The following ZNF420 variants were observed in gnomAD, a reference collection of about 807,000 sequenced individuals.
ZNF420 encodes zinc finger protein 420, also known as ATM and p53-associated KZNF protein.
A neutral mutation model predicts 44.7 loss-of-function variants in ZNF420; 31 were observed. The observed-to-expected ratio is 0.69, with a 90% CI of 0.52 to 0.94. The LOEUF (loss-of-function observed/expected upper bound fraction) is 0.94, where lower values mean the gene tolerates loss of function less well. ZNF420 is among the 40% of genes least tolerant of loss of function. The pLI is 0.00. For missense variants in ZNF420, 681 were observed against 827.9 expected (o/e 0.82, Z 2.18); for synonymous variants, 245 against 267.4 (o/e 0.92, Z 0.82).
intron 4 of ZNF420, among the ~76,000 whole-genome samples, chr19:37,112,798 A>G (rs1970450349): frequency 6.6e-6 from 1 of 152,176 alleles, no homozygotes; most frequent in African/African-American, 2.4e-5. Flanking sequence ...GTCTGAATCA[A>G]CCACACCAGT....
intron 2 of ZNF420, among the ~76,000 whole-genome samples, chr19:37,084,382 A>G (rs1465694636): frequency 6.6e-6 from 1 of 152,106 alleles, no homozygotes; most frequent in African/African-American, 2.4e-5. Flanking sequence ...TTTTGTGATT[A>G]TAGTTATAGA....
At chr19:37,012,163 C>T (rs2074574301) in intron 1 of ZNF420, among the ~76,000 whole-genome samples, 1 of 152,176 alleles carries the variant, frequency 6.6e-6, no homozygotes, top group Non-Finnish European at 1.5e-5. Flanking sequence ...GTCTTGAGGA[C>T]AGGACTCCTG....
At chr19:37,021,936 C>CAAAAAAAAAAAAAAAAAAAAAAAAAAA (rs60559933) in intron 1 of ZNF420, among the ~76,000 whole-genome samples, 1 of 84,588 alleles carries the variant, frequency 1.2e-5, no homozygotes, top group Non-Finnish European at 2.3e-5. Context: ...CAGTCTGTCT[C>CAAAAAAAAAAAAAAAAAAAAAAAAAAA]AAAAAAAAAA....
At chr19:37,036,810 C>T (rs1274672728) in intron 1 of ZNF420, among the ~76,000 whole-genome samples, 1 of 152,186 alleles carries the variant, frequency 6.6e-6, no homozygotes, top group Non-Finnish European at 1.5e-5. Flanking sequence ...CCCACATTTG[C>T]ATTATGTCGA....
intron 1 of ZNF420, among the ~76,000 whole-genome samples, chr19:37,040,174 C>A (rs1399567095): frequency 6.6e-6 from 1 of 152,204 alleles, no homozygotes; most frequent in Admixed American, 6.5e-5. Flanking sequence ...TTAGCCAGAT[C>A]TTCTGGATAA....
In ZNF420 at chr19:37,099,881, C is replaced by T. The variant is rs1969672121; in HGVS notation, c.136+8760C>T. ...CTTGTGATCTGCCCGCCTGGGCCCC[C>T]CAAAGAGCTGGGATTATAGATGTGA... On this transcript the variant is annotated intron_variant, in intron 4 of 4. Transcript: ENST00000337995. Among the ~76,000 whole-genome samples the T allele has an allele frequency of 2.6e-5, 4 of 152,212 alleles. No individual in the cohort carries two copies. The Middle Eastern group carries it at 0.014, about 521-fold the overall frequency.
At chr19:37,054,531 C>G (rs1055458268) in intron 1 of ZNF420, among the ~76,000 whole-genome samples, 15 of 152,210 alleles carry the variant, frequency 9.9e-5, no homozygotes, top group Admixed American at 9.8e-4. Context: ...ATCTTTTAGT[C>G]TATGAAGACA....
At chr19:37,020,533 A>G (rs148245876) in intron 1 of ZNF420, among the ~76,000 whole-genome samples, 1 of 152,306 alleles carries the variant, frequency 6.6e-6, no homozygotes, top group East Asian at 1.9e-4. Flanking sequence ...ATTTTCCCAA[A>G]TAAACCTGTC....
At chr19:37,121,078 C>T (rs1450417018) in intron 4 of ZNF420, among the ~76,000 whole-genome samples, 1 of 149,160 alleles carries the variant, frequency 6.7e-6, no homozygotes, top group African/African-American at 2.5e-5. Flanking sequence ...CAATGCCATC[C>T]CCATCAAGCT....
At chr19:37,048,758 G>A (rs1297111562) in intron 1 of ZNF420, among the ~76,000 whole-genome samples, 1 of 151,756 alleles carries the variant, frequency 6.6e-6, no homozygotes. Context: ...GGATACATGT[G>A]CACAACGTGC....
intron 4 of ZNF420, chr19:37,096,059 C>T (rs1191898091): frequency 6.6e-6 from 1 of 152,222 alleles, no homozygotes; most frequent in Non-Finnish European, 1.5e-5. Flanking sequence ...CCACTGTCCT[C>T]TGGCTTCTAT....
At chr19:37,069,228 A>G (rs1730322763) in intron 1 of ZNF420, among the ~76,000 whole-genome samples, 1 of 152,202 alleles carries the variant, frequency 6.6e-6, no homozygotes, top group Non-Finnish European at 1.5e-5. Context: ...AAACTTTCAA[A>G]GGACTAGTTT....
chr19:37,062,610 C>G (rs1260323221), intron 1 of ZNF420, among the ~76,000 whole-genome samples: 2 of 152,176 alleles, frequency 1.3e-5, no homozygotes, highest in Non-Finnish European at 2.9e-5. Flanking sequence ...GAAAGTTTCT[C>G]CTTAATCACT....
intron 1 of ZNF420, among the ~76,000 whole-genome samples, chr19:37,016,745 G>A (rs1482726966): frequency 6.6e-6 from 1 of 152,174 alleles, no homozygotes. Flanking sequence ...TGTTTGCTGA[G>A]GCACTAGTTT....
chr19:37,128,413 C>A lies in ZNF420; in HGVS notation c.1422C>A (p.Pro474=), dbSNP rs747608138. The change falls in exon 5 of 5, where the codon CCC becomes CCA. Residue 474 remains proline, a synonymous_variant. Coordinates refer to ENST00000337995, the MANE Select transcript of ZNF420 (RefSeq NM_144689.5). ...QHERIHTGEK[P]YECKECGKSF... The stretch of plus-strand genomic sequence containing the variant: ...AGCGAATTCACACAGGTGAGAAACC[C>A]TATGAATGTAAGGAATGTGGGAAAT... 25 of 1,613,852 alleles carry A rather than the reference C, an allele frequency of 1.5e-5. No homozygotes were observed. The South Asian group carries it at 1.8e-4, about 11-fold the overall frequency.
chr19:37,119,485 A>AAT lies in ZNF420; in HGVS notation c.137-7637_137-7636dup, dbSNP rs1281432480. Among the ~76,000 whole-genome samples, 10 of 152,332 alleles carry AAT rather than the reference A, an allele frequency of 6.6e-5. No individual in the cohort carries two copies. The East Asian group carries it at 1.9e-3, about 29-fold the overall frequency. ...ACATTCAAAGCAGTGTGTAGAGGGAAATATATAGCACTAAGTGTCCACAAG... is the reference window on the plus strand; with the variant it reads ...ACATTCAAAGCAGTGTGTAGAGGGAAATATATATAGCACTAAGTGTCCACAAG... On this transcript the variant is annotated intron_variant, in intron 4 of 4. Coordinates refer to ENST00000337995, the MANE Select transcript of ZNF420 (RefSeq NM_144689.5).
intron 1 of ZNF420, among the ~76,000 whole-genome samples, chr19:37,012,962 C>T (rs949853575): frequency 6.6e-6 from 1 of 152,008 alleles, no homozygotes; most frequent in Admixed American, 6.6e-5. Context: ...CTTTGTTGAG[C>T]CTCTTTTTGC....
rs758712330 is a variant in ZNF420 at position 37,127,996 on chromosome 19, T to C, written c.1005T>C (p.Tyr335=). Reference sequence around the variant, plus strand: ...AAATTCATAATGGGGAAAAACCATATGAATGTAAGGAATGTGGAAGGGCCT... The same window carrying C: ...AAATTCATAATGGGGAAAAACCATACGAATGTAAGGAATGTGGAAGGGCCT... The part of the protein sequence containing the change: ...HQKIHNGEKP[Y]ECKECGRAFI... The change falls in exon 5 of 5, where the codon TAT becomes TAC. Residue 335 remains tyrosine, a synonymous_variant. Coordinates refer to ENST00000337995, the MANE Select transcript of ZNF420 (RefSeq NM_144689.5). 10 of 1,613,658 alleles carry C rather than the reference T, an allele frequency of 6.2e-6. No individual in the cohort carries two copies. The highest frequency in any genetic ancestry group is 2.2e-5 in the East Asian group (1 of 44,856).
chr19:37,060,971 G>C lies in ZNF420; in HGVS notation c.-124-19374G>C, dbSNP rs548694754. 5.3e-5 allele frequency among the ~76,000 whole-genome samples: 8 copies of C among 152,200 alleles called. No individual in the cohort carries two copies. In the East Asian group the frequency reaches 1.4e-3, roughly 26 times the overall value. ...GTTGAGGGTGGGGTGAACTTTGCAG[G>C]AACCTCTTTGCTCCTCCAGCAGGCA... On this transcript the variant is annotated intron_variant, in intron 1 of 4. Coordinates refer to the ZNF420 transcript ENST00000587029.
Sources: gnomAD v4.1 joint callset for allele counts (sites outside exome capture counted in the v4.1 genomes callset) on GRCh38, gnomAD v4.1.1 for gene constraint, MANE v1.5 for transcripts, NCBI Gene and HGNC (gene_info 2026-07-23, HGNC 2026-07-21) for gene names.